The following NFKBIZ variants were observed in gnomAD, a reference collection of about 807,000 sequenced individuals.
NFKBIZ encodes NF-kappa-B inhibitor zeta.
A neutral mutation model predicts 76.8 loss-of-function variants in NFKBIZ; 19 were observed. The observed-to-expected ratio is 0.25, with a 90% CI of 0.17 to 0.36. NFKBIZ has a LOEUF of 0.36. NFKBIZ is among the 10% of genes least tolerant of loss of function. The probability of loss-of-function intolerance (pLI) is 1.00; values close to 1 mark genes in which losing one functional copy is unlikely to be tolerated. For synonymous variants in NFKBIZ, 368 were observed against 354.8 expected, an observed-to-expected ratio of 1.04 and a Z score of -0.42; for missense variants, 829 against 910.9, an observed-to-expected ratio of 0.91 and a Z score of 1.16.
chr3:101,849,871 C>A lies in NFKBIZ; in HGVS notation c.243C>A (p.Ala81=), dbSNP rs1394373501. 1 of 1,456,072 alleles carries A rather than the reference C, an allele frequency of 6.9e-7. No homozygotes were observed. Among genetic ancestry groups the A allele is most frequent in the Admixed American group, 2.7e-5 (1 of 37,474 alleles). The allele number at this position is 1,456,072 out of a possible 1,614,324, so 90.2% of individuals were successfully genotyped here. Reference sequence around the variant, plus strand: ...CCTCGTCGGTGTCCTCCTGCGGCGCCGTGGAGTCCCGGTCGAGAGGCGGCG... The same window carrying A: ...CCTCGTCGGTGTCCTCCTGCGGCGCAGTGGAGTCCCGGTCGAGAGGCGGCG... ...SSASSVSSCG[A]VESRSRGGAR... is the part of the protein sequence containing the mutation. The change falls in exon 1 of 12, where the codon GCC becomes GCA. Residue 81 remains alanine (A), a synonymous_variant. Coordinates refer to ENST00000326172, the MANE Select transcript of NFKBIZ (RefSeq NM_031419.4).
chr3:101,831,188 A>G (rs1942642498), intron 2 of NFKBIZ, among the ~76,000 whole-genome samples: 1 of 152,204 alleles, frequency 6.6e-6, no homozygotes, highest in East Asian at 1.9e-4. Flanking sequence ...ATGCGTTCTT[A>G]GAGAGGGTGA....
At chr3:101,852,706 A>G (rs587555) in intron 2 of NFKBIZ, 32 bp from the exon 3 acceptor site, 984,589 of 1,532,600 alleles carry the variant, frequency 0.64, 322,054 homozygotes, top group Admixed American at 0.73. Flanking sequence ...GTCATTTTGT[A>G]TACACTAAAT....
At chr3:101,857,579 C>T in intron 11 of NFKBIZ, 120 bp downstream of exon 11, 1 of 1,495,988 alleles carries the variant, frequency 6.7e-7, no homozygotes, top group Non-Finnish European at 8.9e-7. Context: ...CTATCAGTGT[C>T]TGTGTCTCAC....
intron 1 of NFKBIZ, among the ~76,000 whole-genome samples, chr3:101,829,299 C>T (rs1942610567): frequency 6.6e-6 from 1 of 152,274 alleles, no homozygotes; most frequent in Non-Finnish European, 1.5e-5. Flanking sequence ...ATGACGGAAA[C>T]ATTTGGCAGC....
chr3:101,848,303 T>C (rs1394531151), upstream of NFKBIZ, among the ~76,000 whole-genome samples: 1 of 152,204 alleles, frequency 6.6e-6, no homozygotes, highest in East Asian at 1.9e-4. Context: ...CTCTTGACAA[T>C]CGTAAAAGGG....
chr3:101,851,170 A>G (rs1366201061), intron 1 of NFKBIZ, among the ~76,000 whole-genome samples: 1 of 152,138 alleles, frequency 6.6e-6, no homozygotes, highest in Non-Finnish European at 1.5e-5. Flanking sequence ...TTCTTGCCCC[A>G]TCTTATTTTT....
intron 6 of NFKBIZ, 48 bp downstream of exon 6, chr3:101,854,731 A>T (rs1246581163): frequency 3.9e-6 from 5 of 1,283,872 alleles, no homozygotes; most frequent in Non-Finnish European, 5.7e-6. Flanking sequence ...GGTCATGGTG[A>T]AGTGAATGAT....
chr3:101,849,560 C>A lies in NFKBIZ; in HGVS notation c.-69C>A. The A allele has an allele frequency of 1.6e-6, 2 of 1,268,376 alleles. No individual in the cohort carries two copies. Among genetic ancestry groups the A allele is most frequent in the Non-Finnish European group, 2.0e-6 (2 of 1,001,470 alleles). The allele number at this position is 1,268,376 out of a possible 1,614,324, so 78.6% of individuals were successfully genotyped here. On this transcript the variant is annotated 5_prime_UTR_variant, in exon 1 of 12. Coordinates refer to ENST00000326172, the MANE Select transcript of NFKBIZ (RefSeq NM_031419.4). ...CCGCCGACAGCTCCCTGAGCCAGCC[C>A]GGGAGGCAGCCGCGCGCAGCGAGCC...
At position 101,859,461 on chromosome 3, in the gene NFKBIZ, CA is replaced by C; in HGVS notation, c.*93del. ...ACATAGACCATTTGCCTTATATTGG[CA>C]AATGTAAGTTGTTTCTATGAAACAA... On this transcript the variant is annotated 3_prime_UTR_variant, in exon 12 of 12. Transcript: ENST00000326172. The C allele has an allele frequency of 9.9e-7, 1 of 1,013,754 alleles. No individual in the cohort carries two copies. The highest frequency in any genetic ancestry group is 1.5e-6 in the Non-Finnish European group (1 of 648,148). The allele number at this position is 1,013,754 out of a possible 1,614,324, so 62.8% of individuals were successfully genotyped here.
chr3:101,846,143 G>T (rs189429217), upstream of NFKBIZ, among the ~76,000 whole-genome samples: 427 of 152,282 alleles, frequency 2.8e-3, 3 homozygotes, highest in Non-Finnish European at 4.4e-3. Context: ...TCATCTGAAG[G>T]CCCGATGTGC....
chr3:101,828,437 A>G (rs1942588975), intron 1 of NFKBIZ, among the ~76,000 whole-genome samples: 1 of 152,164 alleles, frequency 6.6e-6, no homozygotes, highest in Admixed American at 6.5e-5. Flanking sequence ...GGACTGAGAT[A>G]CTAATGGAGG....
intron 2 of NFKBIZ, among the ~76,000 whole-genome samples, chr3:101,834,533 G>T (rs1249721799): frequency 6.6e-6 from 1 of 151,898 alleles, no homozygotes; most frequent in Non-Finnish European, 1.5e-5. Flanking sequence ...GCTAATTTTT[G>T]TATTTTTAGA....
chr3:101,855,552 G>A (rs1002813662), intron 8 of NFKBIZ, 94 bp downstream of exon 8: 10 of 1,342,190 alleles, frequency 7.5e-6, no homozygotes, highest in South Asian at 1.2e-5. Flanking sequence ...GGTAATTAAA[G>A]CTAAAATATT....
At chr3:101,840,781 AG>A (rs1307778874) in intron 2 of NFKBIZ, among the ~76,000 whole-genome samples, 1 of 152,204 alleles carries the variant, frequency 6.6e-6, no homozygotes. Flanking sequence ...ATCAGGGGAC[AG>A]ACCTTGTGTA....
At chr3:101,834,325 T>TCC (rs1161048827) in intron 2 of NFKBIZ, among the ~76,000 whole-genome samples, 1 of 151,268 alleles carries the variant, frequency 6.6e-6, no homozygotes, top group Non-Finnish European at 1.5e-5. Context: ...TCTCTCTCTC[T>TCC]CTCCTTCTCT....
chr3:101,850,225 G>A (rs1485767039), intron 1 of NFKBIZ: 1 of 322,190 alleles, frequency 3.1e-6, no homozygotes, highest in Non-Finnish European at 5.7e-6. Context: ...CAGCTTTGTT[G>A]AGTCATAATT....
intron 1 of NFKBIZ, among the ~76,000 whole-genome samples, chr3:101,851,503 C>A (rs909301040): frequency 6.6e-6 from 1 of 152,150 alleles, no homozygotes; most frequent in East Asian, 1.9e-4. Flanking sequence ...AAATCTAAGA[C>A]GTTGTTAATT....
chr3:101,854,813 T>C, intron 6 of NFKBIZ, 130 bp downstream of exon 6: 2 of 766,688 alleles, frequency 2.6e-6, no homozygotes, highest in South Asian at 3.8e-5. Context: ...CTTTGAGATG[T>C]TGACTTTTTG....
intron 11 of NFKBIZ, chr3:101,858,090 T>A (rs531717489): frequency 2.1e-6 from 2 of 957,690 alleles, no homozygotes; most frequent in South Asian, 9.7e-5. Context: ...CAAGAACTTA[T>A]TCTTTCAAGA....
Sources: gnomAD v4.1 joint callset for allele counts (sites outside exome capture counted in the v4.1 genomes callset) on GRCh38, gnomAD v4.1.1 for gene constraint, MANE v1.5 for transcripts, NCBI Gene and HGNC (gene_info 2026-07-23, HGNC 2026-07-21) for gene names.